Variants in GGTA1 observed in about 807,000 individuals in gnomAD.
The protein encoded by GGTA1 is inactive N-acetyllactosaminide alpha-1,3-galactosyltransferase.
GGTA1 carries 5 observed loss-of-function variants against 2.6 expected under a neutral mutation model. The ratio of observed to expected loss-of-function variants is 1.92; its 90% CI spans 1.00 to 4.04. The LOEUF is 4.04. GGTA1 is among the 30% of genes most tolerant of loss of function. The probability of loss-of-function intolerance (pLI) is 0.00; values close to 1 mark genes in which losing one functional copy is unlikely to be tolerated. For synonymous variants in GGTA1, 17 were observed against 5.0 expected (o/e 3.38, Z -3.19); for missense variants, 50 against 16.7 (o/e 2.99, Z -3.47).
In GGTA1 at chr9:121,476,859, G is replaced by T. The variant is rs1003615978; in HGVS notation, c.-9-8928C>A. Among the ~76,000 whole-genome samples, 2 of 152,128 alleles carry T rather than the reference G, an allele frequency of 1.3e-5. No homozygotes were observed. Among genetic ancestry groups the T allele is most frequent in the Non-Finnish European group, 2.9e-5 (2 of 68,018 alleles). On this transcript the variant is annotated intron_variant, in intron 1 of 5. Coordinates refer to ENST00000481799, the MANE Select transcript of GGTA1 (RefSeq NM_001382585.1). This position sits in a 1 kb window ranked among gnomAD's most constrained non-coding sequence, Gnocchi z 4.6. ...AGAGGTAGAGTGTTGCCTTGCCTGG[G>T]AGAGTCACTCTCTAGCCTCAGTGCC...
chr9:121,496,559 A>G (rs1416996987), intron 1 of GGTA1, among the ~76,000 whole-genome samples: 1 of 148,682 alleles, frequency 6.7e-6, no homozygotes, highest in Non-Finnish European at 1.5e-5. Flanking sequence ...TGAAACCCCA[A>G]CTCTACTAAA....
At chr9:121,474,833 C>CGCAGGCTCCACCCCTCT (rs71370657) in intron 1 of GGTA1, among the ~76,000 whole-genome samples, 10 of 151,670 alleles carry the variant, frequency 6.6e-5, no homozygotes, top group Admixed American at 6.6e-4. Flanking sequence ...AAGCCTTCTC[C>CGCAGGCTCCACCCCTCT]GCAGGCTAAA....
chr9:121,492,569 G>C (rs966077042), intron 1 of GGTA1, among the ~76,000 whole-genome samples: 1 of 152,136 alleles, frequency 6.6e-6, no homozygotes, highest in Admixed American at 6.5e-5. Context: ...CACGTCCCGG[G>C]TTCAAGTGAT....
intron 1 of GGTA1, among the ~76,000 whole-genome samples, chr9:121,490,403 C>T (rs761187975): frequency 2.0e-5 from 3 of 152,164 alleles, no homozygotes; most frequent in Non-Finnish European, 4.4e-5. Flanking sequence ...AGGCTTTTGC[C>T]CTCCCTCAGC....
At chr9:121,487,553 C>T (rs1246466833) in intron 1 of GGTA1, among the ~76,000 whole-genome samples, 127 of 119,534 alleles carry the variant, frequency 1.1e-3, no homozygotes, top group African/African-American at 3.7e-3. Flanking sequence ...TCCAGCCTGG[C>T]GACAGAGTGA....
chr9:121,483,059 A>G (rs1828686983), intron 1 of GGTA1, among the ~76,000 whole-genome samples: 1 of 152,242 alleles, frequency 6.6e-6, no homozygotes, highest in Non-Finnish European at 1.5e-5. Flanking sequence ...AGGATGAGAT[A>G]AAGTGGTCCT....
chr9:121,463,973 A>T (rs1196095974), intron 2 of GGTA1, among the ~76,000 whole-genome samples: 1 of 152,190 alleles, frequency 6.6e-6, no homozygotes, highest in East Asian at 1.9e-4. Flanking sequence ...TGAGACTCTT[A>T]AGCCCCTACA....
chr9:121,459,004 GAGATGCCTACCCTGTTGTGC>G (rs2064937425), intron 5 of GGTA1, among the ~76,000 whole-genome samples: 1 of 152,214 alleles, frequency 6.6e-6, no homozygotes, highest in African/African-American at 2.4e-5. Context: ...TAGCATTTCA[GAGATGCCTACCCTGTTGTGC>G]AGATCATCAA....
At chr9:121,488,150 T>G (rs1351578787) in intron 1 of GGTA1, among the ~76,000 whole-genome samples, 1 of 148,796 alleles carries the variant, frequency 6.7e-6, no homozygotes, top group Non-Finnish European at 1.5e-5. Flanking sequence ...TGTTTAAAGT[T>G]TTCTTTTAGA....
Position 121,476,400 on chromosome 9 carries a change from T to C in GGTA1, c.-9-8469A>G, listed in dbSNP as rs34212442. Among the ~76,000 whole-genome samples, 1,607 of 152,258 alleles carry C rather than the reference T, an allele frequency of 0.011. 11 individuals carry two copies. The highest frequency in any genetic ancestry group is 0.024 in the Middle Eastern group (7 of 294). Reference sequence around the variant, plus strand: ...CAGCACCAACACAGTGCCAGCTTTCTAAACTGGCGTCACGAGTTTCTCTGG... The same window carrying C: ...CAGCACCAACACAGTGCCAGCTTTCCAAACTGGCGTCACGAGTTTCTCTGG... On this transcript the variant is annotated intron_variant, in intron 1 of 5. Transcript: ENST00000481799. This position sits in a 1 kb window ranked among gnomAD's most constrained non-coding sequence, Gnocchi z 4.6.
downstream of GGTA1, among the ~76,000 whole-genome samples, chr9:121,454,632 T>C (rs1311822205): frequency 6.6e-6 from 1 of 152,210 alleles, no homozygotes; most frequent in Non-Finnish European, 1.5e-5. Context: ...CCACGTACAC[T>C]ATTTCTTATA....
chr9:121,497,881 G>C (rs1294842756), intron 1 of GGTA1, among the ~76,000 whole-genome samples: 2 of 152,130 alleles, frequency 1.3e-5, no homozygotes, highest in Admixed American at 1.3e-4. Flanking sequence ...AGAGCTGGTG[G>C]TAAGAGCTGG....
Position 121,496,731 on chromosome 9 carries a change from CAA to C in GGTA1, c.-10+2917_-10+2918del, listed in dbSNP as rs772847384. ...TGAGTGACAGAGCAAGGCTCCATCT[CAA>C]AAAAAAAAAAAAAAAAAAAAAAAAA... On this transcript the variant is annotated intron_variant, in intron 1 of 5. Coordinates refer to ENST00000481799, the MANE Select transcript of GGTA1 (RefSeq NM_001382585.1). Among the ~76,000 whole-genome samples the C allele has an allele frequency of 2.4e-3, 76 of 31,204 alleles. 1 individual carries two copies. Among genetic ancestry groups the C allele is most frequent in the African/African-American group, 6.6e-3 (54 of 8,222 alleles). 20.5% of individuals were successfully genotyped at this position (31,204 alleles called of 152,430 possible). A position where few individuals can be genotyped will look rare whatever the true frequency, so the allele number is the denominator to read the frequency against.
At chr9:121,477,573 C>CCT (rs1828539390) in intron 1 of GGTA1, among the ~76,000 whole-genome samples, 1 of 101,494 alleles carries the variant, frequency 9.9e-6, no homozygotes, top group Non-Finnish European at 1.7e-5. Context: ...TGCAACCTTG[C>CCT]TTTTTTTTTT....
intron 1 of GGTA1, among the ~76,000 whole-genome samples, chr9:121,475,949 C>G (rs6478513): frequency 0.94 from 143,156 of 152,246 alleles, 67,667 homozygotes; most frequent in Non-Finnish European, 0.99. Flanking sequence ...CCTTAGGCCA[C>G]TTACTTTAAC....
downstream of GGTA1, among the ~76,000 whole-genome samples, chr9:121,453,565 A>C (rs1039754288): frequency 1.3e-5 from 2 of 152,152 alleles, no homozygotes; most frequent in Non-Finnish European, 2.9e-5. Flanking sequence ...TTCAAACCCC[A>C]GTATGGGCCT....
downstream of GGTA1, among the ~76,000 whole-genome samples, chr9:121,450,602 G>T (rs1016028937): frequency 3.3e-5 from 5 of 152,206 alleles, no homozygotes; most frequent in Non-Finnish European, 5.9e-5. Context: ...TGAAGCCATT[G>T]TGGGGCATTG....
chr9:121,496,846 ACT>A (rs1309048299), intron 1 of GGTA1, among the ~76,000 whole-genome samples: 2 of 151,296 alleles, frequency 1.3e-5, no homozygotes, highest in Admixed American at 6.6e-5. Context: ...ACAGAATGAG[ACT>A]CTGTCTCAAA....
chr9:121,492,630 C>G (rs940409001), intron 1 of GGTA1, among the ~76,000 whole-genome samples: 1 of 152,036 alleles, frequency 6.6e-6, no homozygotes, highest in Non-Finnish European at 1.5e-5. Context: ...TGGGCCACTA[C>G]GCCTGGCTAA....
Sources: allele counts gnomAD v4.1 joint callset (sites outside exome capture counted in the v4.1 genomes callset), GRCh38; gene constraint gnomAD v4.1.1; non-coding constraint Gnocchi (gnomAD v3.1); transcripts MANE v1.5; gene names NCBI Gene and HGNC (gene_info 2026-07-23, HGNC 2026-07-21).